PRKCE: variants seen among roughly 807,000 people sequenced by gnomAD.
The protein encoded by PRKCE is protein kinase C epsilon type.
In PRKCE, 16 loss-of-function variants were observed where a neutral mutation model predicts 85.4. That is an observed-to-expected ratio of 0.19 (90% CI 0.13 to 0.28). The LOEUF is 0.28. Among genes scored for constraint, PRKCE ranks in the 10% least tolerant of loss-of-function variants. PRKCE has a pLI of 1.00. For missense variants in PRKCE, 573 were observed against 975.2 expected (o/e 0.59, Z 5.49); for synonymous variants, 388 against 371.5 (o/e 1.04, Z -0.51).
chr2:46,163,964 C>T (rs1432265732), intron 14 of PRKCE, among the ~76,000 whole-genome samples: 4 of 150,800 alleles, frequency 2.7e-5, no homozygotes, highest in Non-Finnish European at 4.4e-5. Flanking sequence ...CTGAGAGACA[C>T]GGGGAAGCTG....
chr2:45,901,778 G>A (rs1292681824), intron 2 of PRKCE, among the ~76,000 whole-genome samples: 1 of 152,168 alleles, frequency 6.6e-6, no homozygotes. Flanking sequence ...GAAGAATATG[G>A]AAATGCAGTT....
At chr2:45,943,438 CG>C (rs1322686249) in intron 2 of PRKCE, among the ~76,000 whole-genome samples, 1 of 152,196 alleles carries the variant, frequency 6.6e-6, no homozygotes, top group African/African-American at 2.4e-5. Flanking sequence ...CCCCTCTAGC[CG>C]GGGCTTAGGA....
intron 2 of PRKCE, among the ~76,000 whole-genome samples, chr2:45,882,174 T>C (rs1694937614): frequency 6.6e-6 from 1 of 152,254 alleles, no homozygotes; most frequent in African/African-American, 2.4e-5. Flanking sequence ...ATGTCATAGC[T>C]AATATGTGGC....
intron 1 of PRKCE, among the ~76,000 whole-genome samples, chr2:45,738,650 C>G (rs952835161): frequency 6.6e-6 from 1 of 152,158 alleles, no homozygotes; most frequent in African/African-American, 2.4e-5. Context: ...ATTTGAGCAT[C>G]TTGGGAAGGA....
chr2:46,007,356 A>C, intron 8 of PRKCE, 106 bp from the exon 9 acceptor site: 1 of 1,125,010 alleles, frequency 8.9e-7, no homozygotes, highest in South Asian at 1.4e-5. Flanking sequence ...GTGAAGAACC[A>C]GAAAGAGGAC....
At chr2:45,968,085 G>A (rs1701851522) in intron 2 of PRKCE, among the ~76,000 whole-genome samples, 2 of 152,184 alleles carry the variant, frequency 1.3e-5, no homozygotes, top group Non-Finnish European at 2.9e-5. Context: ...TCTGGCCCAG[G>A]CAAGGTTGAC....
At chr2:45,985,461 G>C (rs1468316362) in intron 6 of PRKCE, among the ~76,000 whole-genome samples, 3 of 152,098 alleles carry the variant, frequency 2.0e-5, no homozygotes, top group Non-Finnish European at 4.4e-5. Context: ...CTACTAGGCA[G>C]GGATATTGCA....
At chr2:45,683,729 A>G (rs547394739) in intron 1 of PRKCE, among the ~76,000 whole-genome samples, 171 of 152,366 alleles carry the variant, frequency 1.1e-3, no homozygotes, top group African/African-American at 3.5e-3. Flanking sequence ...ACTGATGACA[A>G]AAGATAAAAT....
rs181939335 is a variant in PRKCE at position 46,117,798 on chromosome 2, T to G, written c.1593-27295T>G. 1.2e-3 allele frequency among the ~76,000 whole-genome samples: 190 copies of G among 152,338 alleles called. 1 individual carries two copies. The highest frequency in any genetic ancestry group is 4.4e-3 in the African/African-American group (181 of 41,578). On this transcript the variant is annotated intron_variant, in intron 11 of 14. Transcript: ENST00000306156. ...TTATTACTGATCCCTTACATTGCCA[T>G]AATGTGGAGCCAGGTACATAGTAGG... is the stretch of plus-strand genomic sequence containing the variant.
chr2:46,100,188 C>T (rs1671070794), intron 11 of PRKCE, among the ~76,000 whole-genome samples: 1 of 152,144 alleles, frequency 6.6e-6, no homozygotes, highest in Admixed American at 6.5e-5. Flanking sequence ...CAGAAGGTAA[C>T]TGATCCCAAG....
chr2:45,725,914 A>G (rs774494985), intron 1 of PRKCE, among the ~76,000 whole-genome samples: 5 of 152,142 alleles, frequency 3.3e-5, no homozygotes, highest in Non-Finnish European at 7.4e-5. Context: ...CAACATTATC[A>G]AAAATTTGGA....
At chr2:45,799,245 T>G (rs1373699414) in intron 1 of PRKCE, among the ~76,000 whole-genome samples, 2 of 152,206 alleles carry the variant, frequency 1.3e-5, no homozygotes, top group African/African-American at 2.4e-5. Flanking sequence ...TCCTTTTTTC[T>G]GAGCTCCACT....
chr2:45,862,066 A>G (rs753288544), intron 2 of PRKCE, among the ~76,000 whole-genome samples: 1 of 152,086 alleles, frequency 6.6e-6, no homozygotes, highest in Non-Finnish European at 1.5e-5. Flanking sequence ...CTCCCCACGT[A>G]GCCTTTTAAC....
chr2:45,671,615 C>T (rs759893209), intron 1 of PRKCE, among the ~76,000 whole-genome samples: 1 of 152,106 alleles, frequency 6.6e-6, no homozygotes, highest in Non-Finnish European at 1.5e-5. Flanking sequence ...CACTTTCTTT[C>T]TCTTAGAGAA....
At chr2:45,968,170 A>G (rs988005358) in intron 2 of PRKCE, among the ~76,000 whole-genome samples, 2 of 152,154 alleles carry the variant, frequency 1.3e-5, no homozygotes, top group East Asian at 3.8e-4. Context: ...TTAGAAATTC[A>G]CTGTTAGCGA....
chr2:45,709,610 G>GCAGATTCCAAGGCTA (rs1679432263), intron 1 of PRKCE, among the ~76,000 whole-genome samples: 2 of 152,226 alleles, frequency 1.3e-5, no homozygotes, highest in African/African-American at 4.8e-5. Context: ...TTCTGCCTTA[G>GCAGATTCCAAGGCTA]TGTGACTGCT....
At chr2:45,753,820 C>T (rs1683781076) in intron 1 of PRKCE, among the ~76,000 whole-genome samples, 1 of 152,188 alleles carries the variant, frequency 6.6e-6, no homozygotes, top group African/African-American at 2.4e-5. Flanking sequence ...TAACATTCCC[C>T]TCCAGGCATC....
At chr2:46,097,555 T>C (rs1273000000) in intron 11 of PRKCE, among the ~76,000 whole-genome samples, 1 of 148,904 alleles carries the variant, frequency 6.7e-6, no homozygotes, top group Non-Finnish European at 1.5e-5. Context: ...AGTCTGACTT[T>C]GGTGTCTTGA....
Position 45,651,869 on chromosome 2 carries a change from TC to T in PRKCE, c.-227del. On this transcript the variant is annotated 5_prime_UTR_variant, in exon 1 of 15. Coordinates refer to ENST00000306156, the MANE Select transcript of PRKCE (RefSeq NM_005400.3). ...GAGAGACTTGCTCCAAACACGGACA[TC>T]CCCCAGCTCTCCCCCCTCCCTGTTT... 2.3e-6 allele frequency: 1 copy of T among 441,936 alleles called. No individual in the cohort carries two copies. 27.4% of individuals were successfully genotyped at this position (441,936 alleles called of 1,614,324 possible).
Sources: allele counts gnomAD v4.1 joint callset (sites outside exome capture counted in the v4.1 genomes callset), GRCh38; gene constraint gnomAD v4.1.1; transcripts MANE v1.5; gene names NCBI Gene and HGNC (gene_info 2026-07-23, HGNC 2026-07-21).